Variants in PHTF2 observed in about 807,000 individuals in gnomAD.
PHTF2 encodes protein PHTF2.
PHTF2 carries 60 observed loss-of-function variants against 101.2 expected under a neutral mutation model. The ratio of observed to expected loss-of-function variants is 0.59; its 90% CI spans 0.48 to 0.73. The LOEUF is 0.73. Among genes scored for constraint, PHTF2 ranks in the 30% least tolerant of loss-of-function variants. PHTF2 has a pLI of 0.00. For synonymous variants in PHTF2, 311 were observed against 307.3 expected (o/e 1.01, Z -0.13); for missense variants, 747 against 908.7 (o/e 0.82, Z 2.29).
chr7:77,836,824 G>A (rs1286466232), intron 1 of PHTF2, among the ~76,000 whole-genome samples: 1 of 151,984 alleles, frequency 6.6e-6, no homozygotes, highest in Non-Finnish European at 1.5e-5. Flanking sequence ...GTCGGGGTGG[G>A]GGGCTTGGGG....
At chr7:77,923,702 T>C (rs1803695173) in intron 11 of PHTF2, 1 of 985,416 alleles carries the variant, frequency 1.0e-6, no homozygotes, top group East Asian at 1.1e-4. Flanking sequence ...ATAACCAAGC[T>C]TGTAAAATTT....
intron 3 of PHTF2, among the ~76,000 whole-genome samples, chr7:77,876,972 T>G: frequency 6.6e-6 from 1 of 152,230 alleles, no homozygotes; most frequent in East Asian, 1.9e-4. Context: ...TCTAAAAGCT[T>G]TAACACTTGG....
At chr7:77,900,969 C>T (rs1470754743) in intron 6 of PHTF2, among the ~76,000 whole-genome samples, 189 bp downstream of exon 5, 1 of 152,174 alleles carries the variant, frequency 6.6e-6, no homozygotes, top group African/African-American at 2.4e-5. Context: ...ATCACAGCAC[C>T]AGCACCTGCT....
intron 12 of PHTF2, among the ~76,000 whole-genome samples, chr7:77,932,496 G>A (rs1804658210): frequency 6.6e-6 from 1 of 152,056 alleles, no homozygotes; most frequent in African/African-American, 2.4e-5. Context: ...GATGATACAA[G>A]AGGAGGCTTT....
intron 6 of PHTF2, 46 bp from the exon 6 acceptor site, chr7:77,901,716 G>T: frequency 9.1e-7 from 1 of 1,097,028 alleles, no homozygotes; most frequent in East Asian, 3.0e-5. Flanking sequence ...AGAAATTAAA[G>T]AATAATATAT....
chr7:77,923,258 A>G (rs1803649350), intron 11 of PHTF2: 2 of 867,372 alleles, frequency 2.3e-6, no homozygotes, highest in African/African-American at 1.8e-5. Context: ...TTTCAACTAT[A>G]TCATATCTCT....
intron 12 of PHTF2, among the ~76,000 whole-genome samples, chr7:77,933,492 C>T (rs375818205): frequency 6.6e-5 from 10 of 151,976 alleles, no homozygotes; most frequent in Non-Finnish European, 1.2e-4. Flanking sequence ...AGAGCAGTTC[C>T]GTATGGTGAC....
chr7:77,805,763 A>G (rs924764135), intron 1 of PHTF2, among the ~76,000 whole-genome samples: 2 of 152,244 alleles, frequency 1.3e-5, no homozygotes, highest in Non-Finnish European at 2.9e-5. Context: ...AAGAACATAC[A>G]TTGTGTATTT....
intron 13 of PHTF2, among the ~76,000 whole-genome samples, chr7:77,939,609 GAAAA>G (rs1176856244): frequency 3.8e-5 from 5 of 132,500 alleles, no homozygotes; most frequent in Non-Finnish European, 8.0e-5. Context: ...AAAAAAAAAA[GAAAA>G]CAGAAAGAAA....
exon 20 of PHTF2, chr7:77,955,130 C>T (rs987677730): frequency 7.1e-5 from 18 of 252,956 alleles, no homozygotes; most frequent in African/African-American, 3.6e-4. Flanking sequence ...AACTGATATC[C>T]AGATACTTGA....
chr7:77,848,320 T>C (rs1796470115), intron 2 of PHTF2, among the ~76,000 whole-genome samples: 2 of 152,190 alleles, frequency 1.3e-5, no homozygotes, highest in African/African-American at 4.8e-5. Context: ...TTTGCATTCC[T>C]GTCAACGATG....
At chr7:77,934,182 GA>G (rs1156523145) in intron 12 of PHTF2, among the ~76,000 whole-genome samples, 1 of 152,054 alleles carries the variant, frequency 6.6e-6, no homozygotes, top group Non-Finnish European at 1.5e-5. Flanking sequence ...TATACAGATG[GA>G]AAAATCCCTT....
chr7:77,914,276 C>A (rs1802694916), intron 9 of PHTF2, among the ~76,000 whole-genome samples: 1 of 152,022 alleles, frequency 6.6e-6, no homozygotes. Flanking sequence ...CAAGGAGAGT[C>A]AGGAAGGCTT....
At chr7:77,909,019 C>A (rs1802118403) in intron 8 of PHTF2, 61 bp downstream of exon 7, 2 of 1,116,590 alleles carry the variant, frequency 1.8e-6, no homozygotes, top group African/African-American at 1.6e-5. Context: ...TACGATTGTT[C>A]TTGACTCCTC....
At chr7:77,909,037 C>A in intron 8 of PHTF2, 79 bp downstream of exon 7, 1 of 850,140 alleles carries the variant, frequency 1.2e-6, no homozygotes, top group Non-Finnish European at 1.8e-6. Flanking sequence ...CTCTTACCTT[C>A]ATAGACTAAA....
chr7:77,902,027 G>A lies in PHTF2; in HGVS notation c.445+107G>A, dbSNP rs141719052. ...AACTACTACTGAGTATGATGTATAA[G>A]TATGTTAATAAAGGCACATAATTGA... is the stretch of plus-strand genomic sequence containing the variant. On this transcript the variant is annotated intron_variant, in intron 7 of 19. Transcript: ENST00000416283. 9.1e-4 allele frequency: 440 copies of A among 481,292 alleles called. 8 individuals carry two copies. In the East Asian group the frequency reaches 0.014, roughly 16 times the overall value. The allele number at this position is 481,292 out of a possible 1,614,324, so 29.8% of individuals were successfully genotyped here. A position where few individuals can be genotyped will look rare whatever the true frequency, so the allele number is the denominator to read the frequency against.
intron 1 of PHTF2, among the ~76,000 whole-genome samples, chr7:77,820,727 T>G (rs1045548440): frequency 3.3e-5 from 5 of 152,230 alleles, no homozygotes; most frequent in Admixed American, 3.3e-4. Context: ...AAAAGTCTCC[T>G]TTTTGATTAA....
exon 10 of PHTF2, chr7:77,920,301 A>G: frequency 6.3e-7 from 1 of 1,586,792 alleles, no homozygotes; most frequent in Non-Finnish European, 8.6e-7. Context: ...AAAGAATTCA[A>G]TTGATAAATC....
At chr7:77,910,326 A>G in exon 9 of PHTF2, 2 of 1,613,458 alleles carry the variant, frequency 1.2e-6, no homozygotes, top group African/African-American at 1.3e-5. Flanking sequence ...AAGAGGGAGC[A>G]GTTCAGAACC....
Sources: allele counts gnomAD v4.1 joint callset (sites outside exome capture counted in the v4.1 genomes callset), GRCh38; gene constraint gnomAD v4.1.1; transcripts MANE v1.5; gene names NCBI Gene and HGNC (gene_info 2026-07-23, HGNC 2026-07-21).